The following ARHGAP12 variants were observed in gnomAD, a reference collection of about 807,000 sequenced individuals.
ARHGAP12 encodes the protein Rho GTPase activating protein 12.
A neutral mutation model predicts 108.6 loss-of-function variants in ARHGAP12; 64 were observed. That is an observed-to-expected ratio of 0.59 (90% CI 0.48 to 0.73). The LOEUF (loss-of-function observed/expected upper bound fraction) is 0.73. Ranked by LOEUF, ARHGAP12 falls within the 30% of genes least tolerant of loss-of-function variation. The pLI is 0.00. For missense variants in ARHGAP12, 940 were observed against 1,005.9 expected (o/e 0.93, Z 0.89); for synonymous variants, 312 against 337.2 (o/e 0.93, Z 0.82).
At chr10:31,852,918 G>A (rs1248138917) in intron 5 of ARHGAP12, among the ~76,000 whole-genome samples, 1 of 151,760 alleles carries the variant, frequency 6.6e-6, no homozygotes, top group Non-Finnish European at 1.5e-5. Context: ...AGTAGAGATG[G>A]GGTTTCTCCA....
At chr10:31,808,783 G>A in intron 18 of ARHGAP12, 32 bp from the exon 19 acceptor site, 1 of 1,601,594 alleles carries the variant, frequency 6.2e-7, no homozygotes, top group Non-Finnish European at 8.5e-7. Context: ...ATATTTTACA[G>A]CAAATTCTTA....
rs1275640566 is a variant in ARHGAP12 at position 31,826,351 on chromosome 10, C to T, written c.1483G>A (p.Gly495Ser). 1 of 1,612,136 alleles carries T rather than the reference C, an allele frequency of 6.2e-7. No individual in the cohort carries two copies. The highest frequency in any genetic ancestry group is 1.7e-5 in the Admixed American group (1 of 59,884). The change falls in exon 11 of 20, where the codon GGT becomes AGT. Residue 495 changes from glycine to serine, a missense_variant. Physicochemically the swap from Gly to Ser is moderately conservative, Grantham distance 56 (BLOSUM62 0). Coordinates refer to ENST00000344936, the MANE Select transcript of ARHGAP12 (RefSeq NM_018287.7). ...GTTTTGGTAAAAAGTAAAGATGAAC[C>T]CTGCAACACCGCCCAAGAAGACAAC... The part of the protein sequence containing the change: ...NWLSSWAVLQ[G>S]SSLLFTKTQG...
At chr10:31,863,477 C>T (rs986706325) in intron 3 of ARHGAP12, among the ~76,000 whole-genome samples, 2 of 152,130 alleles carry the variant, frequency 1.3e-5, no homozygotes, top group African/African-American at 2.4e-5. Flanking sequence ...ACAAACTCTA[C>T]TAAATCTTCA....
chr10:31,811,462 A>T (rs967602993), intron 15 of ARHGAP12, among the ~76,000 whole-genome samples: 1 of 152,154 alleles, frequency 6.6e-6, no homozygotes, highest in Non-Finnish European at 1.5e-5. Context: ...TAAGGACATA[A>T]AGTGACAACA....
chr10:31,913,046 C>T (rs1271736213), intron 1 of ARHGAP12: 2 of 152,178 alleles, frequency 1.3e-5, no homozygotes, highest in African/African-American at 4.8e-5. Context: ...ATGTGTCGGC[C>T]GTACACTGAG....
intron 3 of ARHGAP12, among the ~76,000 whole-genome samples, chr10:31,862,453 T>C (rs1284993928): frequency 6.6e-6 from 1 of 152,158 alleles, no homozygotes; most frequent in East Asian, 1.9e-4. Flanking sequence ...ATAAGGGCAC[T>C]GTAAATTGTA....
chr10:31,842,571 T>G (rs1334114643), intron 7 of ARHGAP12, among the ~76,000 whole-genome samples: 1 of 152,122 alleles, frequency 6.6e-6, no homozygotes, highest in Non-Finnish European at 1.5e-5. Flanking sequence ...AATTTTATAG[T>G]AACTTGTAGT....
chr10:31,835,869 G>A (rs1835996072), intron 9 of ARHGAP12, among the ~76,000 whole-genome samples: 1 of 152,116 alleles, frequency 6.6e-6, no homozygotes, highest in African/African-American at 2.4e-5. Context: ...AATGGGGAGT[G>A]ACTTTTAATG....
At chr10:31,857,935 G>A (rs1395519019) in intron 4 of ARHGAP12, among the ~76,000 whole-genome samples, 1 of 152,216 alleles carries the variant, frequency 6.6e-6, no homozygotes, top group Non-Finnish European at 1.5e-5. Context: ...TGGGCACAGT[G>A]GCTCATGCCT....
At chr10:31,904,640 ATTT>A (rs2132443982) in intron 3 of ARHGAP12, among the ~76,000 whole-genome samples, 1 of 152,182 alleles carries the variant, frequency 6.6e-6, no homozygotes, top group East Asian at 1.9e-4. Flanking sequence ...TATTATTATT[ATTT>A]TGAGACAGGG....
At chr10:31,839,756 T>C (rs1836188307) in intron 7 of ARHGAP12, 45 bp from the exon 8 acceptor site, 1 of 1,470,064 alleles carries the variant, frequency 6.8e-7, no homozygotes, top group Admixed American at 1.8e-5. Flanking sequence ...TTTTATATAA[T>C]TATATTTCTG....
intron 3 of ARHGAP12, among the ~76,000 whole-genome samples, chr10:31,869,265 C>T (rs1837449242): frequency 6.6e-6 from 1 of 152,192 alleles, no homozygotes; most frequent in South Asian, 2.1e-4. Flanking sequence ...GGCCAGGCAC[C>T]GTGGCTCATG....
At chr10:31,905,277 T>C (rs989475982) in intron 3 of ARHGAP12, among the ~76,000 whole-genome samples, 13 of 152,084 alleles carry the variant, frequency 8.5e-5, no homozygotes, top group Non-Finnish European at 1.3e-4. Context: ...GTTCTTGTTT[T>C]TAGAGACGAG....
intron 4 of ARHGAP12, among the ~76,000 whole-genome samples, chr10:31,859,476 CACAT>C (rs1837028292): frequency 8.4e-6 from 1 of 118,744 alleles, no homozygotes; most frequent in South Asian, 2.8e-4. Flanking sequence ...TTTTCATACA[CACAT>C]AGTTTCCATT....
rs1425237257 is a variant in ARHGAP12 at position 31,843,594 on chromosome 10, A to C, written c.1171-8T>G. On this transcript the variant is annotated splice_region_variant and splice_polypyrimidine_tract_variant and intron_variant, in intron 6 of 19. Coordinates refer to ENST00000344936, the MANE Select transcript of ARHGAP12 (RefSeq NM_018287.7). ...CTGGGATGAAGCATTATACTAAAAC[A>C]AAACAAAGCAAAAAACACAAAAAAC... 7 of 1,576,274 alleles carry C rather than the reference A, an allele frequency of 4.4e-6. No homozygotes were observed. Among genetic ancestry groups the C allele is most frequent in the Non-Finnish European group, 6.0e-6 (7 of 1,168,612 alleles).
chr10:31,915,806 C>A (rs1839532247), intron 1 of ARHGAP12, among the ~76,000 whole-genome samples: 2 of 151,784 alleles, frequency 1.3e-5, no homozygotes, highest in Non-Finnish European at 1.5e-5. Flanking sequence ...ACAGAAAGGA[C>A]AAAAATCAGA....
chr10:31,928,481 C>A (rs866746677), intron 1 of ARHGAP12, among the ~76,000 whole-genome samples: 4 of 151,326 alleles, frequency 2.6e-5, no homozygotes, highest in East Asian at 1.9e-4. Flanking sequence ...GCCTAACCCC[C>A]GCGCCCAGAG....
chr10:31,844,048 A>G (rs1836362861), intron 6 of ARHGAP12, among the ~76,000 whole-genome samples: 1 of 152,236 alleles, frequency 6.6e-6, no homozygotes, highest in East Asian at 1.9e-4. Context: ...ATTATTTTAA[A>G]AACCTAAACC....
chr10:31,881,290 G>A (rs185075826), intron 3 of ARHGAP12, among the ~76,000 whole-genome samples: 2 of 151,272 alleles, frequency 1.3e-5, no homozygotes, highest in South Asian at 2.1e-4. Context: ...CTTGCCTAAA[G>A]CAGTAACATT....
Sources: gnomAD v4.1 joint callset for allele counts (sites outside exome capture counted in the v4.1 genomes callset) on GRCh38, gnomAD v4.1.1 for gene constraint, MANE v1.5 for transcripts, NCBI Gene and HGNC (gene_info 2026-07-23, HGNC 2026-07-21) for gene names.